The following DISP1 variants were observed in gnomAD, a reference collection of about 807,000 sequenced individuals.
DISP1 encodes the protein protein dispatched homolog 1.
Under a neutral mutation model 37.3 loss-of-function variants are expected in DISP1, and 30 were observed. The ratio of observed to expected loss-of-function variants is 0.80; its 90% confidence interval spans 0.60 to 1.09. The LOEUF (loss-of-function observed/expected upper bound fraction) is 1.09, where lower values mean the gene tolerates loss of function less well. DISP1 is among the 50% of genes least tolerant of loss of function. The pLI, the probability that DISP1 is intolerant of heterozygous loss-of-function variation, is 0.00. For missense variants in DISP1, 1,598 were observed against 1,879.5 expected, an observed-to-expected ratio of 0.85 and a Z score of 2.77; for synonymous variants, 634 against 690.2, an observed-to-expected ratio of 0.92 and a Z score of 1.28.
chr1:222,818,299 T>C lies in DISP1; in HGVS notation c.-159+3221T>C, dbSNP rs1410309898. 3.3e-5 allele frequency among the ~76,000 whole-genome samples: 5 copies of C among 152,136 alleles called. 1 individual carries two copies. ...ACAGCAGAAAGACTTTTAGTTGTTA[T>C]TATAGTTTTTGAATACCACACAGAT... On this transcript the variant is annotated intron_variant, in intron 1 of 8. Coordinates refer to ENST00000675850, the MANE Select transcript of DISP1 (RefSeq NM_001377229.1).
At chr1:222,867,910 G>A (rs1485427567) in intron 1 of DISP1, among the ~76,000 whole-genome samples, 1 of 152,138 alleles carries the variant, frequency 6.6e-6, no homozygotes, top group East Asian at 1.9e-4. Context: ...AGGCCAGTTG[G>A]TTGTTGCAGA....
chr1:222,947,091 C>T (rs947437056), intron 3 of DISP1, among the ~76,000 whole-genome samples: 1 of 152,032 alleles, frequency 6.6e-6, no homozygotes, highest in Non-Finnish European at 1.5e-5. Flanking sequence ...GTACATTCAC[C>T]TTGTTGTGCA....
rs182626887 is a variant in DISP1 at position 223,003,069 on chromosome 1, A to G, written c.1672A>G (p.Met558Val). The change falls in exon 9 of 9, where the codon ATG becomes GTG. Residue 558 changes from methionine to valine, a missense_variant. Transcript: ENST00000675850. The surrounding 1 kb of genome is among the most constrained non-coding windows in gnomAD (Gnocchi z 4.3). ...ATTTCACTTCGAATTTTTTCCTTTT[A>G]TGAACCTCACTGCCCTCATTATTTT... ...VVFHFEFFPF[M>V]NLTALIILVG... is the part of the protein sequence containing the mutation. 1.9e-6 allele frequency: 3 copies of G among 1,613,958 alleles called. No individual in the cohort carries two copies. Among genetic ancestry groups the G allele is most frequent in the East Asian group, 2.2e-5 (1 of 44,860 alleles).
intron 3 of DISP1, among the ~76,000 whole-genome samples, chr1:222,978,811 G>T (rs932619124): frequency 3.3e-5 from 5 of 152,120 alleles, no homozygotes; most frequent in African/African-American, 1.2e-4. Flanking sequence ...TGTCAGGTTT[G>T]TCAAAGATCA....
intron 8 of DISP1, among the ~76,000 whole-genome samples, chr1:222,995,511 A>T (rs1053686258): frequency 6.6e-6 from 1 of 152,178 alleles, no homozygotes; most frequent in Non-Finnish European, 1.5e-5. Context: ...ACAGTAATCC[A>T]ATCCAAACTG....
rs541216646 is a variant in DISP1, at chr1:222,955,624, T to C, written c.509+12292T>C. On this transcript the variant is annotated intron_variant, in intron 3 of 8. Transcript: ENST00000675850. ...GTATTTAATAAATTACATGAGATAT[T>C]CCATACTTTAGGGGAAGATGGAGAG... Among the ~76,000 whole-genome samples, 6 of 152,268 alleles carry C rather than the reference T, an allele frequency of 3.9e-5. No individual in the cohort carries two copies. The South Asian group carries it at 1.2e-3, about 32-fold the overall frequency.
intron 1 of DISP1, among the ~76,000 whole-genome samples, chr1:222,906,306 A>G (rs1671884573): frequency 6.6e-6 from 1 of 152,156 alleles, no homozygotes; most frequent in Non-Finnish European, 1.5e-5. Flanking sequence ...AAAGAGTTCG[A>G]TGTGCTTTGG....
At chr1:222,876,067 G>A (rs895976369) in intron 1 of DISP1, among the ~76,000 whole-genome samples, 1 of 152,000 alleles carries the variant, frequency 6.6e-6, no homozygotes, top group Non-Finnish European at 1.5e-5. Context: ...CAAAATGAGG[G>A]TAATAACAGT....
chr1:222,960,212 C>G (rs752907641), intron 3 of DISP1, among the ~76,000 whole-genome samples: 1 of 152,166 alleles, frequency 6.6e-6, no homozygotes, highest in Non-Finnish European at 1.5e-5. Context: ...TAAAATCGAC[C>G]ACATAGTTGG....
At chr1:222,969,041 A>G (rs1036623042) in intron 3 of DISP1, among the ~76,000 whole-genome samples, 1 of 152,050 alleles carries the variant, frequency 6.6e-6, no homozygotes, top group Non-Finnish European at 1.5e-5. Flanking sequence ...ATCTGGATCA[A>G]GGATGACTCT....
intron 3 of DISP1, among the ~76,000 whole-genome samples, chr1:222,977,927 G>C (rs1677510939): frequency 6.6e-6 from 1 of 152,106 alleles, no homozygotes; most frequent in Non-Finnish European, 1.5e-5. Flanking sequence ...TCTTAATCCA[G>C]TCTATCATTG....
chr1:223,004,990 C>T lies in DISP1; in HGVS notation c.3593C>T (p.Ala1198Val). Reference protein sequence around the residue: ...EHEFYELEPLASHSCTAPEKT... With the variant: ...EHEFYELEPLVSHSCTAPEKT... ...GAGTTTTATGAATTAGAACCTCTGG[C>T]TTCCCACAGCTGCACTGCCCCTGAG... is the stretch of plus-strand genomic sequence containing the variant. Residue 1198 changes from alanine to valine, a missense_variant, in exon 9 of 9, where the codon GCT becomes GTT. Physicochemically the swap from Ala to Val is moderately conservative, Grantham distance 64. Transcript: ENST00000675850. This position sits in a 1 kb window ranked among gnomAD's most constrained non-coding sequence, Gnocchi z 4.9. The T allele has an allele frequency of 6.2e-7, 1 of 1,614,102 alleles. No individual in the cohort carries two copies. The highest frequency in any genetic ancestry group is 8.5e-7 in the Non-Finnish European group (1 of 1,180,038).
rs140450831 is a variant in DISP1, at chr1:222,833,587, G to C, written c.-159+18509G>C. ...TAGGAAAGGCTTGGTGCTGTGCCTTGTTCTTTAGATTTTACATCCCTTTAA... is the reference window on the plus strand; with the variant it reads ...TAGGAAAGGCTTGGTGCTGTGCCTTCTTCTTTAGATTTTACATCCCTTTAA... On this transcript the variant is annotated intron_variant, in intron 1 of 8. Transcript: ENST00000675850. Among the ~76,000 whole-genome samples the C allele has an allele frequency of 1.2e-3, 190 of 152,294 alleles. 2 individuals carry two copies. Among genetic ancestry groups the C allele is most frequent in the Non-Finnish European group, 8.8e-4 (60 of 68,030 alleles).
At chr1:222,883,167 T>C (rs1202193549) in intron 1 of DISP1, among the ~76,000 whole-genome samples, 1 of 152,122 alleles carries the variant, frequency 6.6e-6, no homozygotes, top group African/African-American at 2.4e-5. Flanking sequence ...ACAATTTAAG[T>C]ATCATAAAAG....
chr1:222,863,536 CAA>C (rs35141337), intron 1 of DISP1, among the ~76,000 whole-genome samples: 17,345 of 131,554 alleles, frequency 0.13, 1,286 homozygotes, highest in South Asian at 0.18. Flanking sequence ...GACCCTATCT[CAA>C]AAAAAAAAAA....
intron 3 of DISP1, chr1:222,945,783 G>A (rs1315591914): frequency 6.6e-6 from 1 of 152,132 alleles, no homozygotes; most frequent in East Asian, 1.9e-4. Flanking sequence ...GTCCGTATAG[G>A]ATTTGTCTTT....
intron 1 of DISP1, among the ~76,000 whole-genome samples, chr1:222,910,565 G>A (rs1359270957): frequency 6.6e-6 from 1 of 152,186 alleles, no homozygotes; most frequent in South Asian, 2.1e-4. Context: ...TATTAGAGAT[G>A]TAAGTAGTCA....
intron 3 of DISP1, among the ~76,000 whole-genome samples, chr1:222,962,557 G>A (rs964267958): frequency 2.6e-5 from 4 of 152,150 alleles, no homozygotes; most frequent in Non-Finnish European, 5.9e-5. Context: ...AACCAAAACA[G>A]CATGGTACTG....
chr1:222,895,879 T>C (rs914583168), intron 1 of DISP1, among the ~76,000 whole-genome samples: 1 of 152,268 alleles, frequency 6.6e-6, no homozygotes, highest in Non-Finnish European at 1.5e-5. Flanking sequence ...AGAGAATCTT[T>C]GTGACCTTAG....
Sources: allele counts gnomAD v4.1 joint callset (sites outside exome capture counted in the v4.1 genomes callset), GRCh38; gene constraint gnomAD v4.1.1; non-coding constraint Gnocchi (gnomAD v3.1); transcripts MANE v1.5; gene names NCBI Gene and HGNC (gene_info 2026-07-23, HGNC 2026-07-21).